ARID5B: variants seen among roughly 807,000 people sequenced by gnomAD.
ARID5B encodes AT-rich interaction domain 5B, also known as AT-rich interactive domain-containing protein 5B.
ARID5B carries 13 observed loss-of-function variants against 97.2 expected under a neutral mutation model. That is an observed-to-expected ratio of 0.13 (90% CI 0.09 to 0.21). The LOEUF (loss-of-function observed/expected upper bound fraction) is 0.21. Ranked by LOEUF, ARID5B falls within the 10% of genes least tolerant of loss-of-function variation. The pLI is 1.00. For synonymous variants in ARID5B, 556 were observed against 570.3 expected, an observed-to-expected ratio of 0.97 and a Z score of 0.36; for missense variants, 1,210 against 1,465.3, an observed-to-expected ratio of 0.83 and a Z score of 2.84.
At chr10:62,040,274 C>T (rs143922333) in intron 4 of ARID5B, among the ~76,000 whole-genome samples, 1 of 152,036 alleles carries the variant, frequency 6.6e-6, no homozygotes, top group African/African-American at 2.4e-5. Flanking sequence ...TCAATGATTA[C>T]CAGATTTGAA....
intron 5 of ARID5B, among the ~76,000 whole-genome samples, chr10:62,055,154 TAATAA>T (rs1839839144): frequency 6.6e-6 from 1 of 152,220 alleles, no homozygotes; most frequent in Non-Finnish European, 1.5e-5. Flanking sequence ...TAATGCCTGG[TAATAA>T]GATAGGCTTT....
At chr10:62,003,403 G>A (rs1237100072) in intron 4 of ARID5B, among the ~76,000 whole-genome samples, 1 of 152,174 alleles carries the variant, frequency 6.6e-6, no homozygotes, top group African/African-American at 2.4e-5. Flanking sequence ...AAAAGGCAGG[G>A]TTTGATCTGG....
chr10:62,058,534 A>G (rs746531994), intron 6 of ARID5B, among the ~76,000 whole-genome samples: 1 of 152,232 alleles, frequency 6.6e-6, no homozygotes, highest in Non-Finnish European at 1.5e-5. Context: ...GTTTAACAGC[A>G]TAAACATATA....
At chr10:62,008,690 A>T (rs1307425603) in intron 4 of ARID5B, among the ~76,000 whole-genome samples, 1 of 152,176 alleles carries the variant, frequency 6.6e-6, no homozygotes, top group Non-Finnish European at 1.5e-5. Context: ...CAGAGCGGCC[A>T]TTTCTCTGCT....
intron 4 of ARID5B, among the ~76,000 whole-genome samples, chr10:62,021,914 A>G (rs68156080): frequency 0.25 from 37,305 of 152,126 alleles, 4,787 homozygotes; most frequent in Middle Eastern, 0.35. Context: ...CATGGAAAGG[A>G]GTCAGAGAGG....
intron 6 of ARID5B, among the ~76,000 whole-genome samples, chr10:62,058,993 G>C (rs1839890591): frequency 6.6e-6 from 1 of 152,064 alleles, no homozygotes; most frequent in Admixed American, 6.6e-5. Flanking sequence ...TAAAACTCTT[G>C]CCTTTATCCT....
chr10:61,946,066 A>C (rs1020590655), intron 3 of ARID5B, among the ~76,000 whole-genome samples: 2 of 148,220 alleles, frequency 1.3e-5, no homozygotes, highest in African/African-American at 4.9e-5. Flanking sequence ...CATTTTATAT[A>C]TTTATATATT....
At chr10:62,082,700 G>A (rs942059768) in intron 8 of ARID5B, among the ~76,000 whole-genome samples, 8 of 152,102 alleles carry the variant, frequency 5.3e-5, no homozygotes, top group Admixed American at 4.6e-4. Flanking sequence ...TACGTTGAAC[G>A]TTTAAATGTT....
chr10:62,036,980 G>A (rs1839573285), intron 4 of ARID5B, among the ~76,000 whole-genome samples: 1 of 152,216 alleles, frequency 6.6e-6, no homozygotes, highest in South Asian at 2.1e-4. Context: ...ACTCTTAGCA[G>A]TGATCTTTGG....
Position 61,986,261 on chromosome 10 carries a change from T to C in ARID5B, c.503-13830T>C, listed in dbSNP as rs181993546. Among the ~76,000 whole-genome samples, 1,045 of 152,330 alleles carry C rather than the reference T, an allele frequency of 6.9e-3. 8 individuals carry two copies. The highest frequency in any genetic ancestry group is 0.051 in the Middle Eastern group (15 of 294). ...GCTGCCTGTGTCCTCCTGTATAAAA[T>C]GGGACTATTCTTGACAGACCCTAAG... On this transcript the variant is annotated intron_variant, in intron 3 of 9. Transcript: ENST00000279873.
intron 3 of ARID5B, among the ~76,000 whole-genome samples, chr10:61,997,066 G>C (rs1839009401): frequency 6.6e-6 from 1 of 152,006 alleles, no homozygotes; most frequent in Admixed American, 6.6e-5. Flanking sequence ...TGAGTCACTG[G>C]TTCTCGATGG....
intron 3 of ARID5B, among the ~76,000 whole-genome samples, chr10:61,972,851 A>C (rs1838647916): frequency 6.6e-6 from 1 of 152,222 alleles, no homozygotes; most frequent in Admixed American, 6.5e-5. Context: ...TTTTCGGTAG[A>C]ATTAGGATCT....
At chr10:61,964,457 T>C (rs1838516474) in intron 3 of ARID5B, among the ~76,000 whole-genome samples, 1 of 152,174 alleles carries the variant, frequency 6.6e-6, no homozygotes, top group Admixed American at 6.5e-5. Context: ...AATCCCACCC[T>C]ATAATGCTTA....
chr10:61,963,810 T>C (rs944675023), intron 3 of ARID5B, among the ~76,000 whole-genome samples: 4 of 151,942 alleles, frequency 2.6e-5, no homozygotes, highest in Non-Finnish European at 1.5e-5. Flanking sequence ...GCAGTTACTA[T>C]AGTTGTACCT....
chr10:62,077,375 CTATT>C (rs1271237219), intron 8 of ARID5B, among the ~76,000 whole-genome samples: 4 of 152,180 alleles, frequency 2.6e-5, no homozygotes, highest in Non-Finnish European at 4.4e-5. Context: ...AAAAAAATCT[CTATT>C]TAAAAATTCT....
intron 2 of ARID5B, among the ~76,000 whole-genome samples, chr10:61,916,702 G>A (rs1403264367): frequency 6.6e-6 from 1 of 152,122 alleles, no homozygotes; most frequent in Non-Finnish European, 1.5e-5. Flanking sequence ...ACATTGTGCT[G>A]TCCTGTTTAC....
At chr10:61,990,308 C>G (rs938421649) in intron 3 of ARID5B, among the ~76,000 whole-genome samples, 1 of 152,172 alleles carries the variant, frequency 6.6e-6, no homozygotes, top group Non-Finnish European at 1.5e-5. Context: ...ACAAACTCCT[C>G]AAGTGGCGAG....
intron 2 of ARID5B, among the ~76,000 whole-genome samples, chr10:61,922,565 T>C (rs185507869): frequency 1.3e-5 from 2 of 152,250 alleles, no homozygotes; most frequent in African/African-American, 4.8e-5. Flanking sequence ...ATCATGCCAC[T>C]GCACTCCAGC....
chr10:61,942,589 CA>C (rs1184031280), intron 3 of ARID5B, among the ~76,000 whole-genome samples: 8 of 152,102 alleles, frequency 5.3e-5, no homozygotes, highest in African/African-American at 1.7e-4. Context: ...GTCAGGAGTT[CA>C]AGACCAGCCT....
Sources: allele counts gnomAD v4.1 joint callset (sites outside exome capture counted in the v4.1 genomes callset), GRCh38; gene constraint gnomAD v4.1.1; transcripts MANE v1.5; gene names NCBI Gene and HGNC (gene_info 2026-07-23, HGNC 2026-07-21).